DTD1: variants seen among roughly 807,000 people sequenced by gnomAD.
DTD1 encodes the protein D-aminoacyl-tRNA deacylase 1.
DTD1 carries 13 observed loss-of-function variants against 25.6 expected under a neutral mutation model. That is an observed-to-expected ratio of 0.51 (90% CI 0.33 to 0.81). DTD1 has a LOEUF of 0.81. Ranked by LOEUF, DTD1 falls within the 30% of genes least tolerant of loss-of-function variation. DTD1 has a pLI of 0.02. For missense variants in DTD1, 193 were observed against 266.4 expected (o/e 0.72, Z 1.92); for synonymous variants, 110 against 103.6 (o/e 1.06, Z -0.37).
At chr20:18,730,799 AT>A (rs1228527405) in intron 4 of DTD1, among the ~76,000 whole-genome samples, 2 of 152,022 alleles carry the variant, frequency 1.3e-5, no homozygotes, top group Non-Finnish European at 2.9e-5. Flanking sequence ...TTATTCATTT[AT>A]TTTTTAAGGA....
chr20:18,686,469 T>C (rs1026402190), intron 4 of DTD1, among the ~76,000 whole-genome samples: 3 of 152,202 alleles, frequency 2.0e-5, no homozygotes, highest in Non-Finnish European at 4.4e-5. Context: ...TTCCAAAAAG[T>C]TTATAATTTA....
intron 4 of DTD1, among the ~76,000 whole-genome samples, chr20:18,737,682 C>G (rs751703816): frequency 6.6e-6 from 1 of 152,232 alleles, no homozygotes; most frequent in African/African-American, 2.4e-5. Context: ...TGTGTCACTT[C>G]TGAGGCTTCC....
At chr20:18,617,154 A>G (rs1299316156) in intron 3 of DTD1, among the ~76,000 whole-genome samples, 1 of 152,078 alleles carries the variant, frequency 6.6e-6, no homozygotes, top group African/African-American at 2.4e-5. Context: ...ATAATTTTTA[A>G]AAGAAGATAC....
intron 4 of DTD1, among the ~76,000 whole-genome samples, chr20:18,720,740 C>T (rs1022634749): frequency 4.6e-5 from 7 of 152,114 alleles, no homozygotes; most frequent in Non-Finnish European, 1.0e-4. Flanking sequence ...TGCCTGTAGT[C>T]CCAGCTACTC....
intron 3 of DTD1, among the ~76,000 whole-genome samples, chr20:18,611,534 C>T (rs1357605780): frequency 6.6e-6 from 1 of 152,136 alleles, no homozygotes; most frequent in Non-Finnish European, 1.5e-5. Flanking sequence ...TTTTATTTTA[C>T]ATTTATATTT....
At chr20:18,744,855 G>C (rs1480229212) in intron 5 of DTD1, among the ~76,000 whole-genome samples, 4 of 151,942 alleles carry the variant, frequency 2.6e-5, no homozygotes, top group Admixed American at 1.3e-4. Context: ...GATGAGATTT[G>C]GGTGGGGACA....
intron 4 of DTD1, among the ~76,000 whole-genome samples, chr20:18,715,355 T>G (rs1016130540): frequency 2.0e-5 from 3 of 152,118 alleles, no homozygotes; most frequent in Admixed American, 2.0e-4. Flanking sequence ...ACCCTAGCAG[T>G]TGGGGAACTC....
chr20:18,661,586 T>C (rs945981175), intron 4 of DTD1, among the ~76,000 whole-genome samples: 3 of 152,140 alleles, frequency 2.0e-5, no homozygotes, highest in Non-Finnish European at 2.9e-5. Flanking sequence ...TTAGCCAGGA[T>C]GGTTTTGATC....
intron 1 of DTD1, among the ~76,000 whole-genome samples, chr20:18,591,227 A>G (rs544237677): frequency 6.6e-6 from 1 of 152,336 alleles, no homozygotes; most frequent in African/African-American, 2.4e-5. Context: ...TGTGTCATAT[A>G]TAGACTTTGG....
chr20:18,667,059 C>A (rs1009023474), intron 4 of DTD1, among the ~76,000 whole-genome samples: 1 of 152,104 alleles, frequency 6.6e-6, no homozygotes. Context: ...TGCTTATGAC[C>A]CATGACTTCC....
At chr20:18,672,799 C>T (rs2060955613) in intron 4 of DTD1, among the ~76,000 whole-genome samples, 2 of 152,186 alleles carry the variant, frequency 1.3e-5, no homozygotes, top group South Asian at 4.1e-4. Context: ...TCAGTAGGGT[C>T]TAGCAAACTT....
At chr20:18,731,010 T>A (rs2061237717) in intron 4 of DTD1, among the ~76,000 whole-genome samples, 1 of 152,242 alleles carries the variant, frequency 6.6e-6, no homozygotes, top group Non-Finnish European at 1.5e-5. Flanking sequence ...ATATAGTTTG[T>A]CAGTGTCTTA....
At chr20:18,681,013 A>T (rs1447566307) in intron 4 of DTD1, among the ~76,000 whole-genome samples, 3 of 152,198 alleles carry the variant, frequency 2.0e-5, no homozygotes, top group Non-Finnish European at 4.4e-5. Context: ...GTTTTTCGCC[A>T]GTCCTTTTCT....
Position 18,764,955 on chromosome 20 carries a change from A to G in DTD1, c.*1615A>G, listed in dbSNP as rs950761677. 3.9e-5 allele frequency: 6 copies of G among 152,234 alleles called. No homozygotes were observed. Among genetic ancestry groups the G allele is most frequent in the African/African-American group, 1.4e-4 (6 of 41,474 alleles). 9.4% of individuals were successfully genotyped at this position (152,234 alleles called of 1,614,324 possible). A position where few individuals can be genotyped will look rare whatever the true frequency, so the allele number is the denominator to read the frequency against. On this transcript the variant is annotated 3_prime_UTR_variant, in exon 6 of 6. Coordinates refer to ENST00000377452, the MANE Select transcript of DTD1 (RefSeq NM_080820.6). ...TCCACCACAGCATTTTATTGCCACCAATTAATGCTTATTGAACAGTTGCAG... is the reference window on the plus strand; with the variant it reads ...TCCACCACAGCATTTTATTGCCACCGATTAATGCTTATTGAACAGTTGCAG...
At chr20:18,643,467 T>C (rs528744367) in intron 4 of DTD1, 73 of 198,558 alleles carry the variant, frequency 3.7e-4, no homozygotes, top group Middle Eastern at 5.7e-3. Context: ...ATCTTCTGTA[T>C]TGATTTCTAA....
chr20:18,589,897 C>CG (rs1471776823), intron 1 of DTD1, among the ~76,000 whole-genome samples: 1 of 143,408 alleles, frequency 7.0e-6, no homozygotes, highest in Non-Finnish European at 1.5e-5. Flanking sequence ...GTAAATAATT[C>CG]GGGAATTCTG....
chr20:18,590,984 G>T (rs764642060), intron 1 of DTD1, among the ~76,000 whole-genome samples: 1 of 152,164 alleles, frequency 6.6e-6, no homozygotes, highest in African/African-American at 2.4e-5. Flanking sequence ...AACTTCAAAG[G>T]TTATGAATTC....
chr20:18,599,877 T>A (rs948930970), intron 3 of DTD1, among the ~76,000 whole-genome samples: 2 of 152,230 alleles, frequency 1.3e-5, no homozygotes, highest in Non-Finnish European at 2.9e-5. Flanking sequence ...TTTCTTACTG[T>A]GTTTTAAGAG....
chr20:18,740,800 G>A (rs2061274747), intron 4 of DTD1, among the ~76,000 whole-genome samples: 1 of 152,162 alleles, frequency 6.6e-6, no homozygotes, highest in Admixed American at 6.5e-5. Flanking sequence ...TGAGACAGAA[G>A]GAGTCCTGTA....
Sources: gnomAD v4.1 joint callset for allele counts (sites outside exome capture counted in the v4.1 genomes callset) on GRCh38, gnomAD v4.1.1 for gene constraint, MANE v1.5 for transcripts, NCBI Gene and HGNC (gene_info 2026-07-23, HGNC 2026-07-21) for gene names.